ZMAT4: variants seen among roughly 807,000 people sequenced by gnomAD.
The protein encoded by ZMAT4 is zinc finger matrin-type 4.
Under a neutral mutation model 28.7 loss-of-function variants are expected in ZMAT4, and 17 were observed. The ratio of observed to expected loss-of-function variants is 0.59; its 90% CI spans 0.41 to 0.89. The LOEUF (loss-of-function observed/expected upper bound fraction) is 0.89. Among genes scored for constraint, ZMAT4 ranks in the 40% least tolerant of loss-of-function variants. The pLI is 0.00. For synonymous variants in ZMAT4, 117 were observed against 109.2 expected, an observed-to-expected ratio of 1.07 and a Z score of -0.44; for missense variants, 240 against 283.8, an observed-to-expected ratio of 0.85 and a Z score of 1.11.
chr8:40,665,420 T>C (rs1400679459), intron 5 of ZMAT4, among the ~76,000 whole-genome samples: 2 of 152,140 alleles, frequency 1.3e-5, no homozygotes, highest in Non-Finnish European at 2.9e-5. Flanking sequence ...GGGGGAGCTA[T>C]TGTACATTCT....
intron 1 of ZMAT4, among the ~76,000 whole-genome samples, chr8:40,892,407 C>G (rs1818728101): frequency 6.6e-6 from 1 of 152,198 alleles, no homozygotes; most frequent in South Asian, 2.1e-4. Flanking sequence ...GTCAGCAGCC[C>G]CTCCCAGCCA....
chr8:40,857,377 A>T (rs1586176616), intron 1 of ZMAT4, among the ~76,000 whole-genome samples: 1 of 152,028 alleles, frequency 6.6e-6, no homozygotes, highest in Non-Finnish European at 1.5e-5. Context: ...AAAAAAAAAA[A>T]CAAAAACAAA....
intron 5 of ZMAT4, among the ~76,000 whole-genome samples, chr8:40,634,461 T>C (rs1009899130): frequency 6.6e-6 from 1 of 152,188 alleles, no homozygotes; most frequent in Non-Finnish European, 1.5e-5. Context: ...TAAAAAATCA[T>C]TTTTTACAAC....
intron 2 of ZMAT4, among the ~76,000 whole-genome samples, chr8:40,812,099 C>G (rs575169985): frequency 3.9e-5 from 6 of 152,220 alleles, no homozygotes; most frequent in African/African-American, 1.4e-4. Flanking sequence ...CCACTGCATT[C>G]CAGCCTGGGT....
intron 1 of ZMAT4, among the ~76,000 whole-genome samples, chr8:40,873,543 GTC>G (rs1164825853): frequency 6.6e-6 from 1 of 152,122 alleles, no homozygotes; most frequent in Admixed American, 6.5e-5. Flanking sequence ...TTACAGAGGA[GTC>G]TCTGTGACCT....
At chr8:40,720,637 C>A (rs944580099) in intron 3 of ZMAT4, among the ~76,000 whole-genome samples, 5 of 149,824 alleles carry the variant, frequency 3.3e-5, no homozygotes, top group African/African-American at 1.2e-4. Context: ...AAGCAATTCT[C>A]CTGCCTCAGC....
chr8:40,549,738 T>G (rs1803310978), intron 6 of ZMAT4, among the ~76,000 whole-genome samples: 1 of 152,172 alleles, frequency 6.6e-6, no homozygotes, highest in Admixed American at 6.6e-5. Flanking sequence ...AACTGATTTA[T>G]TTGAAGGAAA....
At chr8:40,606,768 T>A (rs988431239) in intron 5 of ZMAT4, among the ~76,000 whole-genome samples, 1 of 152,228 alleles carries the variant, frequency 6.6e-6, no homozygotes, top group African/African-American at 2.4e-5. Context: ...TTCCAGGGAA[T>A]TGTTGCTTGA....
chr8:40,593,658 C>G (rs766626562), intron 5 of ZMAT4, among the ~76,000 whole-genome samples: 1 of 152,210 alleles, frequency 6.6e-6, no homozygotes, highest in Non-Finnish European at 1.5e-5. Flanking sequence ...GAAGTGGATG[C>G]AGCATTGGTG....
intron 2 of ZMAT4, among the ~76,000 whole-genome samples, chr8:40,793,281 AAAAC>A (rs1030556087): frequency 1.5e-4 from 23 of 152,208 alleles, no homozygotes; most frequent in African/African-American, 5.1e-4. Flanking sequence ...ACAGAAACAA[AAAAC>A]AAACAAACAA....
intron 3 of ZMAT4, among the ~76,000 whole-genome samples, chr8:40,764,077 C>T (rs977291433): frequency 7.2e-5 from 11 of 152,080 alleles, no homozygotes; most frequent in Admixed American, 3.9e-4. Context: ...AGCATCTGAC[C>T]CACGGGTCTG....
At chr8:40,873,317 A>G (rs1434209275) in intron 1 of ZMAT4, among the ~76,000 whole-genome samples, 1 of 152,214 alleles carries the variant, frequency 6.6e-6, no homozygotes, top group Non-Finnish European at 1.5e-5. Context: ...TCTCAGAAAT[A>G]AAGCTATTTT....
rs370485214 is a variant in ZMAT4, at chr8:40,578,262, A to T, written c.674+2903T>A. On this transcript the variant is annotated intron_variant, in intron 6 of 6. Coordinates refer to ENST00000297737, the MANE Select transcript of ZMAT4 (RefSeq NM_024645.3). ...ACCTGATTTACAAAAAATGTCTATGATGGTCTTTTCAGTAAATAGTATTGG... is the reference window on the plus strand; with the variant it reads ...ACCTGATTTACAAAAAATGTCTATGTTGGTCTTTTCAGTAAATAGTATTGG... 1.3e-4 allele frequency among the ~76,000 whole-genome samples: 20 copies of T among 152,172 alleles called. No homozygotes were observed. The East Asian group carries it at 1.7e-3, about 13-fold the overall frequency.
intron 1 of ZMAT4, among the ~76,000 whole-genome samples, chr8:40,862,532 G>A (rs1817532332): frequency 1.5e-5 from 2 of 135,024 alleles, no homozygotes; most frequent in African/African-American, 5.6e-5. Flanking sequence ...TAACTAACCT[G>A]CACAATGTGC....
intron 1 of ZMAT4, among the ~76,000 whole-genome samples, chr8:40,873,132 A>G (rs1439785808): frequency 2.0e-5 from 3 of 152,202 alleles, no homozygotes; most frequent in South Asian, 2.1e-4. Context: ...GCTTTGAGGG[A>G]TGTGTTGCCT....
intron 5 of ZMAT4, among the ~76,000 whole-genome samples, chr8:40,598,612 A>G (rs546406882): frequency 6.6e-6 from 1 of 152,238 alleles, no homozygotes; most frequent in East Asian, 1.9e-4. Context: ...CCAATCTATC[A>G]TTGATGGGTA....
intron 1 of ZMAT4, among the ~76,000 whole-genome samples, chr8:40,873,075 G>C (rs11778602): frequency 0.039 from 5,892 of 152,194 alleles, 165 homozygotes; most frequent in South Asian, 0.09. Flanking sequence ...AGGTGACAGA[G>C]AGATTTAGAT....
intron 5 of ZMAT4, among the ~76,000 whole-genome samples, chr8:40,647,587 G>C (rs912515554): frequency 3.3e-5 from 5 of 152,136 alleles, no homozygotes; most frequent in African/African-American, 1.2e-4. Context: ...GCTCAAGGAG[G>C]CCTGCCTGTC....
chr8:40,562,488 TA>T (rs5891103), intron 6 of ZMAT4, among the ~76,000 whole-genome samples: 151,159 of 152,228 alleles, frequency 0.99, 75,062 homozygotes, highest in Middle Eastern at 1. Flanking sequence ...GTTCTGCTGT[TA>T]TAATTTGAGT....
Sources: gnomAD v4.1 joint callset for allele counts (sites outside exome capture counted in the v4.1 genomes callset) on GRCh38, gnomAD v4.1.1 for gene constraint, MANE v1.5 for transcripts, NCBI Gene and HGNC (gene_info 2026-07-23, HGNC 2026-07-21) for gene names.